Variants in RDX observed in about 807,000 individuals in gnomAD.
The protein encoded by RDX is deafness, autosomal recessive 24.
RDX carries 32 observed loss-of-function variants against 83.7 expected under a neutral mutation model. That is an observed-to-expected ratio of 0.38 (90% CI 0.29 to 0.51). The LOEUF (loss-of-function observed/expected upper bound fraction) is 0.51. Among genes scored for constraint, RDX ranks in the 20% least tolerant of loss-of-function variants. The pLI is 0.87. For missense variants in RDX, 600 were observed against 689.9 expected (o/e 0.87, Z 1.46); for synonymous variants, 229 against 222.7 (o/e 1.03, Z -0.25).
chr11:110,186,615 C>G (rs888297259), intron 15 of RDX, among the ~76,000 whole-genome samples: 1 of 151,872 alleles, frequency 6.6e-6, no homozygotes, highest in African/African-American at 2.4e-5. Context: ...CATGATGGCA[C>G]CCAGCCAATA....
At chr11:110,291,952 C>G (rs915411463) in intron 1 of RDX, among the ~76,000 whole-genome samples, 7 of 152,018 alleles carry the variant, frequency 4.6e-5, no homozygotes, top group African/African-American at 1.2e-4. Context: ...TTGAGACCAG[C>G]CTGGGCAACA....
intron 5 of RDX, among the ~76,000 whole-genome samples, chr11:110,258,862 A>T (rs1859669313): frequency 7.0e-6 from 1 of 143,604 alleles, no homozygotes; most frequent in Non-Finnish European, 1.5e-5. Context: ...GTGAGCAAAT[A>T]CATTCTTTTT....
intron 15 of RDX, among the ~76,000 whole-genome samples, chr11:110,199,414 A>G (rs1228891184): frequency 6.6e-6 from 1 of 152,230 alleles, no homozygotes; most frequent in African/African-American, 2.4e-5. Flanking sequence ...AGAGGCTGTA[A>G]AGATAGAGGT....
chr11:110,259,019 G>A (rs1427114929), intron 5 of RDX, among the ~76,000 whole-genome samples: 2 of 152,086 alleles, frequency 1.3e-5, no homozygotes, highest in Non-Finnish European at 2.9e-5. Flanking sequence ...TTATAGGTGT[G>A]TGCCACGATG....
At chr11:110,293,556 G>A (rs1861328238) in intron 1 of RDX, among the ~76,000 whole-genome samples, 1 of 152,144 alleles carries the variant, frequency 6.6e-6, no homozygotes, top group South Asian at 2.1e-4. Flanking sequence ...CAGCAATCAA[G>A]GAAGTTACCA....
intron 14 of RDX, among the ~76,000 whole-genome samples, chr11:110,219,178 G>C (rs1195313995): frequency 1.3e-5 from 2 of 152,160 alleles, no homozygotes; most frequent in Non-Finnish European, 2.9e-5. Flanking sequence ...AGGTGGCAAG[G>C]GAGTGAATCA....
chr11:110,211,891 C>G (rs1405410796), intron 14 of RDX, among the ~76,000 whole-genome samples: 5 of 148,780 alleles, frequency 3.4e-5, no homozygotes, highest in Non-Finnish European at 7.5e-5. Flanking sequence ...AGGAAAGATC[C>G]AAAATTGACA....
At chr11:110,200,245 G>C (rs908600691) in intron 14 of RDX, 1 of 154,534 alleles carries the variant, frequency 6.5e-6, no homozygotes, top group Non-Finnish European at 1.4e-5. Flanking sequence ...TAAAAGACTG[G>C]ATAGGTTAAG....
At chr11:110,291,276 G>T (rs1163369426) in intron 1 of RDX, among the ~76,000 whole-genome samples, 2 of 152,172 alleles carry the variant, frequency 1.3e-5, no homozygotes, top group Admixed American at 1.3e-4. Flanking sequence ...GGAGTTCGTG[G>T]CATGGAGCTA....
chr11:110,240,402 G>C (rs888321240), intron 10 of RDX, among the ~76,000 whole-genome samples: 2 of 152,076 alleles, frequency 1.3e-5, no homozygotes. Flanking sequence ...GAAGGGAGGA[G>C]AAAAAGAATA....
chr11:110,263,165 C>T (rs927434544), intron 5 of RDX, among the ~76,000 whole-genome samples: 96 of 152,004 alleles, frequency 6.3e-4, no homozygotes, highest in African/African-American at 2.2e-3. Context: ...ATCCCAGCTA[C>T]TCGGGAGGCT....
At chr11:110,220,940 T>TA in intron 14 of RDX, among the ~76,000 whole-genome samples, 1 of 147,352 alleles carries the variant, frequency 6.8e-6, no homozygotes, top group South Asian at 2.2e-4. Context: ...AGGATCCCTA[T>TA]ACCCCTAATT....
rs562333530 is a variant in RDX, at chr11:110,188,332, T to C, written c.*31+11249A>G. Among the ~76,000 whole-genome samples, 30 of 148,832 alleles carry C rather than the reference T, an allele frequency of 2.0e-4. No homozygotes were observed. The South Asian group carries it at 2.3e-3, about 12-fold the overall frequency. ...ATAATAATAATAATAATAATAATAA[T>C]AATAACAATAATAATGGCATTCGCA... On this transcript the variant is annotated intron_variant, in intron 15 of 15. Transcript: ENST00000528498.
intron 3 of RDX, among the ~76,000 whole-genome samples, chr11:110,272,022 A>T (rs890658562): frequency 1.3e-5 from 2 of 152,234 alleles, no homozygotes; most frequent in Non-Finnish European, 2.9e-5. Context: ...GCCTATGTGT[A>T]TAAGTTGTAC....
downstream of RDX, among the ~76,000 whole-genome samples, chr11:110,228,058 T>C (rs1277815001): frequency 1.3e-5 from 2 of 152,084 alleles, no homozygotes; most frequent in African/African-American, 2.4e-5. Flanking sequence ...AGCCATGATC[T>C]TTCCACAGAG....
chr11:110,186,559 AC>A (rs1487024947), intron 15 of RDX, among the ~76,000 whole-genome samples: 2 of 151,934 alleles, frequency 1.3e-5, no homozygotes, highest in African/African-American at 4.8e-5. Flanking sequence ...CATCAGCATA[AC>A]AAAAGACATC....
intron 15 of RDX, among the ~76,000 whole-genome samples, chr11:110,177,428 G>A (rs1370558580): frequency 4.6e-5 from 7 of 152,192 alleles, no homozygotes; most frequent in South Asian, 4.1e-4. Flanking sequence ...CAGCTCCAGC[G>A]TCTAGGACAT....
chr11:110,290,707 G>A (rs1220747336), intron 1 of RDX, among the ~76,000 whole-genome samples: 2 of 152,166 alleles, frequency 1.3e-5, no homozygotes, highest in African/African-American at 2.4e-5. Flanking sequence ...TAAAGGGCCA[G>A]GTAAGTAAAC....
chr11:110,277,560 T>C (rs766471323), intron 2 of RDX, among the ~76,000 whole-genome samples: 1 of 152,124 alleles, frequency 6.6e-6, no homozygotes, highest in Non-Finnish European at 1.5e-5. Context: ...CTTCAAGTGA[T>C]ACTCCCGCCT....
Sources: gnomAD v4.1 joint callset for allele counts (sites outside exome capture counted in the v4.1 genomes callset) on GRCh38, gnomAD v4.1.1 for gene constraint, MANE v1.5 for transcripts, NCBI Gene and HGNC (gene_info 2026-07-23, HGNC 2026-07-21) for gene names.